LITAF: variants seen among roughly 807,000 people sequenced by gnomAD.
LITAF encodes the protein lipopolysaccharide induced TNF factor.
Under a neutral mutation model 14.5 loss-of-function variants are expected in LITAF, and 9 were observed. The ratio of observed to expected loss-of-function variants is 0.62; its 90% confidence interval spans 0.37 to 1.08. The LOEUF is 1.08. Ranked by LOEUF, LITAF falls within the 50% of genes least tolerant of loss-of-function variation. The pLI is 0.01. For missense variants in LITAF, 206 were observed against 213.4 expected, an observed-to-expected ratio of 0.97 and a Z score of 0.22; for synonymous variants, 98 against 88.2, an observed-to-expected ratio of 1.11 and a Z score of -0.62.
intron 1 of LITAF, among the ~76,000 whole-genome samples, chr16:11,562,830 G>C (rs1398145001): frequency 6.6e-6 from 1 of 152,082 alleles, no homozygotes; most frequent in Admixed American, 6.6e-5. Flanking sequence ...CCAAGAGTTT[G>C]AGACTGCAAT....
chr16:11,574,737 T>G (rs1485820825), intron 1 of LITAF, among the ~76,000 whole-genome samples: 1 of 152,082 alleles, frequency 6.6e-6, no homozygotes, highest in African/African-American at 2.4e-5. Context: ...AGACGTTCCC[T>G]TTACCACTCC....
chr16:11,638,117 T>C, upstream of LITAF, among the ~76,000 whole-genome samples: 2 of 69,512 alleles, frequency 2.9e-5, 1 homozygote, highest in South Asian at 8.1e-4. Flanking sequence ...TATCTATCTA[T>C]ATAGATAGAT....
intron 1 of LITAF, among the ~76,000 whole-genome samples, chr16:11,559,837 A>T (rs2064331922): frequency 6.7e-6 from 1 of 149,948 alleles, no homozygotes; most frequent in South Asian, 2.1e-4. Context: ...TCTACAAAAA[A>T]ATTAAAAATT....
At chr16:11,556,802 G>C (rs962399932) in intron 1 of LITAF, 67 bp from the exon 2 acceptor site, 2 of 1,335,554 alleles carry the variant, frequency 1.5e-6, no homozygotes, top group Non-Finnish European at 2.1e-6. Context: ...TTTCACCTAA[G>C]TCTTCAATTT....
At chr16:11,631,930 ATC>A in intron 3 of LITAF, among the ~76,000 whole-genome samples, 1 of 150,618 alleles carries the variant, frequency 6.6e-6, no homozygotes, top group Non-Finnish European at 1.5e-5. Flanking sequence ...GCTCACTGCA[ATC>A]TCTGCCTCCC....
chr16:11,633,079 T>G (rs1425178575), intron 3 of LITAF, among the ~76,000 whole-genome samples: 5 of 152,174 alleles, frequency 3.3e-5, no homozygotes, highest in African/African-American at 1.2e-4. Flanking sequence ...CACCCCTGCA[T>G]ACACATAAGT....
rs969135274 is a variant in LITAF at position 11,632,371 on chromosome 16, C to T, written c.85+1162G>A. On this transcript the variant is annotated intron_variant, in intron 3 of 3. Transcript: ENST00000574848. This position sits in a 1 kb window ranked among gnomAD's most constrained non-coding sequence, Gnocchi z 4.8. ...CCTGGAGAGAAGGTGAAGGAGGCACCGAGATGACAGAGACAGGGAGAGGGA... is the reference window on the plus strand; with the variant it reads ...CCTGGAGAGAAGGTGAAGGAGGCACTGAGATGACAGAGACAGGGAGAGGGA... Among the ~76,000 whole-genome samples the T allele has an allele frequency of 3.3e-5, 5 of 151,952 alleles. No individual in the cohort carries two copies. Among genetic ancestry groups the T allele is most frequent in the Admixed American group, 1.3e-4 (2 of 15,248 alleles).
At chr16:11,626,071 C>T (rs1474283993) in intron 3 of LITAF, among the ~76,000 whole-genome samples, 1 of 151,984 alleles carries the variant, frequency 6.6e-6, no homozygotes, top group Non-Finnish European at 1.5e-5. Context: ...AGAGACTGGG[C>T]TGATTGATGA....
chr16:11,604,156 A>G (rs2064942615), intron 3 of LITAF, among the ~76,000 whole-genome samples: 1 of 151,386 alleles, frequency 6.6e-6, no homozygotes, highest in Non-Finnish European at 1.5e-5. Context: ...ATAGTGAGAC[A>G]CTGGAGGGGT....
rs1184025326 is a variant in LITAF at position 11,634,371 on chromosome 16, C to T, written c.-20-734G>A. Among the ~76,000 whole-genome samples the T allele has an allele frequency of 1.3e-5, 2 of 152,160 alleles. No homozygotes were observed. The highest frequency in any genetic ancestry group is 2.9e-5 in the Non-Finnish European group (2 of 68,024). On this transcript the variant is annotated intron_variant, in intron 2 of 3. Coordinates refer to the LITAF transcript ENST00000574848. This position sits in a 1 kb window ranked among gnomAD's most constrained non-coding sequence, Gnocchi z 4.1. ...AATGATTCCCTTCCCCAAAACTCAA[C>T]CGCCTTTGTGAAGGTAACAAAAGGC...
rs374725473 is a variant in LITAF, at chr16:11,572,982, G to A, written c.-6+13904C>T. Among the ~76,000 whole-genome samples the A allele has an allele frequency of 1.1e-3, 164 of 147,346 alleles. 1 individual carries two copies. The South Asian group carries it at 0.034, about 30-fold the overall frequency. On this transcript the variant is annotated intron_variant, in intron 1 of 3. Coordinates refer to ENST00000622633, the MANE Select transcript of LITAF (RefSeq NM_001136472.2). Reference sequence around the variant, plus strand: ...CTCACTCTGTCAACCAAGCTGGCATGCAGTGGCGCAATCTCAGCTCACTGC... The same window carrying A: ...CTCACTCTGTCAACCAAGCTGGCATACAGTGGCGCAATCTCAGCTCACTGC...
chr16:11,553,429 T>G lies in LITAF; in HGVS notation c.377+104A>C. ...CCATCTCAAAAAAAAACAACACAAA[T>G]GTCTGGCCCTGAATGTCAAGCATGG... On this transcript the variant is annotated intron_variant, in intron 3 of 3. Transcript: ENST00000622633. The surrounding 1 kb of genome is among the most constrained non-coding windows in gnomAD (Gnocchi z 7.7). 10 of 1,247,074 alleles carry G rather than the reference T, an allele frequency of 8.0e-6. No individual in the cohort carries two copies. Among genetic ancestry groups the G allele is most frequent in the Non-Finnish European group, 1.0e-5 (9 of 880,024 alleles). The allele number at this position is 1,247,074 out of a possible 1,614,324, so 77.3% of individuals were successfully genotyped here.
upstream of LITAF, among the ~76,000 whole-genome samples, chr16:11,589,918 C>CTGATTTTAAAACTTACTACAGAGATA (rs1447340886): frequency 4.8e-3 from 614 of 127,226 alleles, 18 homozygotes; most frequent in Middle Eastern, 8.3e-3. Context: ...GGCACCACAC[C>CTGATTTTAAAACTTACTACAGAGATA]CAGCCAGTTG....
At chr16:11,560,409 G>T (rs996164298) in intron 1 of LITAF, among the ~76,000 whole-genome samples, 1 of 151,646 alleles carries the variant, frequency 6.6e-6, no homozygotes, top group Non-Finnish European at 1.5e-5. Flanking sequence ...TAAGGAGTTC[G>T]AGACCAGCCT....
At chr16:11,621,475 G>A (rs2065050879) in intron 3 of LITAF, among the ~76,000 whole-genome samples, 2 of 152,190 alleles carry the variant, frequency 1.3e-5, no homozygotes, top group African/African-American at 2.4e-5. Flanking sequence ...AAAGTGCTGG[G>A]ATTACAGGCA....
In LITAF at chr16:11,549,649, G is replaced by T; in HGVS notation, c.474C>A (p.Tyr158Ter). The T allele has an allele frequency of 6.2e-7, 1 of 1,612,972 alleles. No homozygotes were observed. The highest frequency in any genetic ancestry group is 2.2e-5 in the East Asian group (1 of 44,852). Residue 158 changes from tyrosine to a stop codon, truncating the protein, a stop_gained, in exon 4 of 4, where the codon TAC becomes TAA. Coordinates refer to ENST00000622633, the MANE Select transcript of LITAF (RefSeq NM_001136472.2). LOFTEE classifies it high-confidence loss of function. This position sits in a 1 kb window ranked among gnomAD's most constrained non-coding sequence, Gnocchi z 4.6. Reference protein sequence around the residue: ...CPNCRALLGTYKRL With the variant: ...CPNCRALLGT The stretch of plus-strand genomic sequence containing the variant: ...GTCTGGCTGAGTCCTACAAACGCTT[G>T]TAGGTGCCCAGGAGAGCTCTGCAGT...
intron 1 of LITAF, among the ~76,000 whole-genome samples, chr16:11,584,602 T>C (rs2141837866): frequency 6.6e-6 from 1 of 152,310 alleles, no homozygotes; most frequent in Non-Finnish European, 1.5e-5. Context: ...TCATGTTCCT[T>C]CTGCCACATG....
At chr16:11,591,270 A>G (rs149388796), upstream of LITAF, among the ~76,000 whole-genome samples, 2 of 116,136 alleles carry the variant, frequency 1.7e-5, 1 homozygote, top group African/African-American at 8.2e-5. Flanking sequence ...TGCAGCCTCA[A>G]ACTCCTGGGC....
At chr16:11,616,186 G>A (rs2141885812) in intron 3 of LITAF, among the ~76,000 whole-genome samples, 1 of 152,210 alleles carries the variant, frequency 6.6e-6, no homozygotes, top group South Asian at 2.1e-4. Context: ...TAATAAACTG[G>A]AATAGTGCTG....
Sources: allele counts gnomAD v4.1 joint callset (sites outside exome capture counted in the v4.1 genomes callset), GRCh38; gene constraint gnomAD v4.1.1; non-coding constraint Gnocchi (gnomAD v3.1); transcripts MANE v1.5; gene names NCBI Gene and HGNC (gene_info 2026-07-23, HGNC 2026-07-21).